Variants in SLC66A2 observed in about 807,000 individuals in gnomAD.
The protein encoded by SLC66A2 is PQ loop repeat containing 1.
A neutral mutation model predicts 25.5 loss-of-function variants in SLC66A2; 23 were observed. The ratio of observed to expected loss-of-function variants is 0.90; its 90% CI spans 0.65 to 1.28. SLC66A2 has a LOEUF of 1.28. SLC66A2 is among the 50% of genes most tolerant of loss of function. The pLI, the probability that SLC66A2 is intolerant of heterozygous loss-of-function variation, is 0.00. For missense variants in SLC66A2, 396 were observed against 373.1 expected, an observed-to-expected ratio of 1.06 and a Z score of -0.51; for synonymous variants, 193 against 166.5, an observed-to-expected ratio of 1.16 and a Z score of -1.23.
chr18:79,923,029 T>C (rs923380429), intron 4 of SLC66A2, among the ~76,000 whole-genome samples: 1 of 150,138 alleles, frequency 6.7e-6, no homozygotes. Flanking sequence ...TCACTCTGAG[T>C]GAGACGCTGC....
In SLC66A2 at chr18:79,950,902, G is replaced by A. The variant is rs1305168542; in HGVS notation, c.25C>T (p.Leu9Phe). 24 of 1,586,350 alleles carry A rather than the reference G, an allele frequency of 1.5e-5. No individual in the cohort carries two copies. The highest frequency in any genetic ancestry group is 1.9e-5 in the Non-Finnish European group (22 of 1,167,306). The part of the protein sequence containing the change: MEAEGLDW[L>F]LVPLHQLVSW... Reference sequence around the variant, plus strand: ...ACCAGCTGGTGCAGTGGCACCAGGAGCCAGTCCAGGCCCTCGGCCTCCATC... The same window carrying A: ...ACCAGCTGGTGCAGTGGCACCAGGAACCAGTCCAGGCCCTCGGCCTCCATC... Residue 9 changes from leucine to phenylalanine, a missense_variant, in exon 2 of 6, where the codon CTC (leucine) becomes TTC (phenylalanine). Leu to Phe is a conservative substitution (Grantham distance 22, BLOSUM62 0). Transcript: ENST00000397778.
chr18:79,951,594 C>CCCGCGCCCAGCG lies in SLC66A2; in HGVS notation c.-125_-114dup. 6.6e-6 allele frequency: 1 copy of CCCGCGCCCAGCG among 151,738 alleles called. No individual in the cohort carries two copies. The highest frequency in any genetic ancestry group is 1.8e-4 in the South Asian group (1 of 5,590). The allele number at this position is 151,738 out of a possible 1,614,324, so 9.4% of individuals were successfully genotyped here. A position where few individuals can be genotyped will look rare whatever the true frequency, so the allele number is the denominator to read the frequency against. On this transcript the variant is annotated 5_prime_UTR_variant, in exon 1 of 6. Transcript: ENST00000397778. ...CGCGCTCCTTACCTGCGCCCCCAGC[C>CCCGCGCCCAGCG]CCGCGCCCAGCGCCCCGCGTCCCCG...
intron 5 of SLC66A2, among the ~76,000 whole-genome samples, chr18:79,914,782 G>A (rs1472550831): frequency 2.6e-5 from 4 of 152,226 alleles, no homozygotes; most frequent in East Asian, 3.9e-4. Context: ...CTTCAGACGC[G>A]CAAGTGGAGC....
rs1466412570 is a variant in SLC66A2, at chr18:79,946,979, C to A, written c.204-3517G>T. Among the ~76,000 whole-genome samples, 5 of 152,210 alleles carry A rather than the reference C, an allele frequency of 3.3e-5. No individual in the cohort carries two copies. In the South Asian group the frequency reaches 1.0e-3, roughly 32 times the overall value. ...CTCTTGTCTAAAAGAAAAAAAAAAT[C>A]CAGCAGAAGAGAAGCTTTGTAGCTT... On this transcript the variant is annotated intron_variant, in intron 2 of 5. Transcript: ENST00000397778.
intron 4 of SLC66A2, among the ~76,000 whole-genome samples, chr18:79,931,794 C>T (rs1242423003): frequency 6.6e-6 from 1 of 152,066 alleles, no homozygotes; most frequent in Non-Finnish European, 1.5e-5. Flanking sequence ...GGGTGGGTGC[C>T]CTGAGCTCTG....
chr18:79,950,981 G>C lies in SLC66A2; in HGVS notation c.-55C>G, dbSNP rs1168910265. 1 of 1,361,366 alleles carries C rather than the reference G, an allele frequency of 7.3e-7. No individual in the cohort carries two copies. Among genetic ancestry groups the C allele is most frequent in the South Asian group, 1.5e-5 (1 of 64,756 alleles). The allele number at this position is 1,361,366 out of a possible 1,614,324, so 84.3% of individuals were successfully genotyped here. ...GGGCTCCGCGCCCCGCGGGCCACCGGCCGCCTGCTCATCGCCGCTCCGCGC... is the reference window on the plus strand; with the variant it reads ...GGGCTCCGCGCCCCGCGGGCCACCGCCCGCCTGCTCATCGCCGCTCCGCGC... On this transcript the variant is annotated 5_prime_UTR_variant, in exon 2 of 6. Transcript: ENST00000397778.
At chr18:79,942,209 A>G (rs940890259) in intron 3 of SLC66A2, among the ~76,000 whole-genome samples, 1 of 152,206 alleles carries the variant, frequency 6.6e-6, no homozygotes, top group Non-Finnish European at 1.5e-5. Flanking sequence ...TCAAACCCAA[A>G]ACACAATAGA....
Position 79,918,973 on chromosome 18 carries a change from G to C in SLC66A2, c.608+211C>G, listed in dbSNP as rs1023696488. On this transcript the variant is annotated intron_variant, in intron 5 of 5. Transcript: ENST00000397778. This position sits in a 1 kb window ranked among gnomAD's most constrained non-coding sequence, Gnocchi z 4.0. ...GCTCCCAACCCCGTGCTGGGTCTCG[G>C]CTGCCCCTCATGCGGCCCACACAAG... Among the ~76,000 whole-genome samples, 11 of 152,248 alleles carry C rather than the reference G, an allele frequency of 7.2e-5. No homozygotes were observed. The highest frequency in any genetic ancestry group is 2.7e-4 in the African/African-American group (11 of 41,466).
At chr18:79,910,202 A>C (rs1982862259) in intron 5 of SLC66A2, among the ~76,000 whole-genome samples, 1 of 103,432 alleles carries the variant, frequency 9.7e-6, no homozygotes, top group Admixed American at 1.1e-4. Context: ...CCACATCCTC[A>C]CCATAGAGTC....
At chr18:79,946,827 G>C (rs879772662) in intron 2 of SLC66A2, among the ~76,000 whole-genome samples, 1 of 152,184 alleles carries the variant, frequency 6.6e-6, no homozygotes, top group Admixed American at 6.5e-5. Context: ...TTAGCTGGGC[G>C]TGGCAGTGGG....
At position 79,918,451 on chromosome 18, in the gene SLC66A2, CG is replaced by C. The variant is rs1164580736; in HGVS notation, c.608+732del. Among the ~76,000 whole-genome samples the C allele has an allele frequency of 7.1e-6, 1 of 141,208 alleles. No homozygotes were observed. The highest frequency in any genetic ancestry group is 1.6e-5 in the Non-Finnish European group (1 of 63,278). 92.6% of individuals were successfully genotyped at this position (141,208 alleles called of 152,430 possible). Reference sequence around the variant, plus strand: ...GGGGTCCCCAGTGAGGAGCGGGCACCGGGGAGGGTCCCCAGTGAGGAGCGGC... The same window carrying C: ...GGGGTCCCCAGTGAGGAGCGGGCACCGGGAGGGTCCCCAGTGAGGAGCGGC... On this transcript the variant is annotated intron_variant, in intron 5 of 5. Coordinates refer to ENST00000397778, the MANE Select transcript of SLC66A2 (RefSeq NM_025078.5). The surrounding 1 kb of genome is among the most constrained non-coding windows in gnomAD (Gnocchi z 4.0).
rs2051102367 is a variant in SLC66A2, at chr18:79,950,987, T to A, written c.-61A>T. On this transcript the variant is annotated 5_prime_UTR_variant, in exon 2 of 6. Transcript: ENST00000397778. ...CGCGCCCCGCGGGCCACCGGCCGCC[T>A]GCTCATCGCCGCTCCGCGCGCTCCT... The A allele has an allele frequency of 1.5e-4, 192 of 1,313,196 alleles. 2 individuals carry two copies. In the South Asian group the frequency reaches 2.9e-3, roughly 20 times the overall value. The allele number at this position is 1,313,196 out of a possible 1,614,324, so 81.3% of individuals were successfully genotyped here.
At position 79,919,299 on chromosome 18, in the gene SLC66A2, T is replaced by A. The variant is rs774648165; in HGVS notation, c.493A>T (p.Ile165Phe). Residue 165 changes from isoleucine (I) to phenylalanine (F), a missense_variant, in exon 5 of 6, where the codon ATT (isoleucine) becomes TTT (phenylalanine). Physicochemically the swap from Ile to Phe is conservative, Grantham distance 21. Transcript: ENST00000397778. The stretch of plus-strand genomic sequence containing the variant: ...GTCTCCACAAACAGGGCGGAGTCAA[T>A]GGACAGGTAGGTGATGTAGCCCGCC... ...GVAGYITYLSIDSALFVETLG... is the reference protein window; with the variant it reads ...GVAGYITYLSFDSALFVETLG... 5 of 1,613,226 alleles carry A rather than the reference T, an allele frequency of 3.1e-6. No homozygotes were observed. Among genetic ancestry groups the A allele is most frequent in the Non-Finnish European group, 3.4e-6 (4 of 1,180,000 alleles).
chr18:79,915,608 C>T (rs1023197661), intron 5 of SLC66A2: 2 of 152,206 alleles, frequency 1.3e-5, no homozygotes, highest in African/African-American at 2.4e-5. Flanking sequence ...CGTCTTCTGC[C>T]CGGCCCTCCC....
At chr18:79,928,743 G>A (rs937089713) in intron 4 of SLC66A2, among the ~76,000 whole-genome samples, 1 of 151,768 alleles carries the variant, frequency 6.6e-6, no homozygotes, top group East Asian at 1.9e-4. Context: ...CAGCAGTGGC[G>A]GGCACCCGAG....
At chr18:79,946,234 GAAGACA>G (rs1450476566) in intron 2 of SLC66A2, among the ~76,000 whole-genome samples, 9 of 128,274 alleles carry the variant, frequency 7.0e-5, no homozygotes, top group South Asian at 2.4e-4. Flanking sequence ...ATTTTAGGGT[GAAGACA>G]AAGAAAAACA....
Position 79,927,322 on chromosome 18 carries a change from C to T in SLC66A2, c.391+6647G>A, listed in dbSNP as rs750731836. ...GCACAGGCTACAGTCGGGAGAGCCCCGGGCAGGCACACAGGGGCTCATCTG... is the reference window on the plus strand; with the variant it reads ...GCACAGGCTACAGTCGGGAGAGCCCTGGGCAGGCACACAGGGGCTCATCTG... On this transcript the variant is annotated intron_variant, in intron 4 of 5. Coordinates refer to ENST00000397778, the MANE Select transcript of SLC66A2 (RefSeq NM_025078.5). This position sits in a 1 kb window ranked among gnomAD's most constrained non-coding sequence, Gnocchi z 6.2. 2.2e-5 allele frequency among the ~76,000 whole-genome samples: 3 copies of T among 137,548 alleles called. No individual in the cohort carries two copies. Among genetic ancestry groups the T allele is most frequent in the Admixed American group, 6.8e-5 (1 of 14,642 alleles). 90.2% of individuals were successfully genotyped at this position (137,548 alleles called of 152,430 possible). A position where few individuals can be genotyped will look rare whatever the true frequency, so the allele number is the denominator to read the frequency against.
chr18:79,946,075 C>T (rs1443995188), intron 2 of SLC66A2, among the ~76,000 whole-genome samples: 1 of 152,308 alleles, frequency 6.6e-6, no homozygotes, highest in Non-Finnish European at 1.5e-5. Context: ...CAATGAATGA[C>T]GAGACGGAGG....
chr18:79,924,651 G>T (rs777116284), intron 4 of SLC66A2, among the ~76,000 whole-genome samples: 2 of 152,120 alleles, frequency 1.3e-5, no homozygotes, highest in East Asian at 3.8e-4. Context: ...AATGCATAAC[G>T]AAATAGAAAA....
Sources: allele counts gnomAD v4.1 joint callset (sites outside exome capture counted in the v4.1 genomes callset), GRCh38; gene constraint gnomAD v4.1.1; non-coding constraint Gnocchi (gnomAD v3.1); transcripts MANE v1.5; gene names NCBI Gene and HGNC (gene_info 2026-07-23, HGNC 2026-07-21).